RGS9: variants seen among roughly 807,000 people sequenced by gnomAD.
RGS9 encodes regulator of G-protein signalling 9.
RGS9 carries 78 observed loss-of-function variants against 102.0 expected under a neutral mutation model. That is an observed-to-expected ratio of 0.76 (90% confidence interval 0.64 to 0.92). The LOEUF is 0.92. Ranked by LOEUF, RGS9 falls within the 40% of genes least tolerant of loss-of-function variation. RGS9 has a pLI of 0.00. For missense variants in RGS9, 833 were observed against 866.1 expected, an observed-to-expected ratio of 0.96 and a Z score of 0.48; for synonymous variants, 353 against 318.6, an observed-to-expected ratio of 1.11 and a Z score of -1.15.
intron 3 of RGS9, among the ~76,000 whole-genome samples, chr17:65,159,941 C>T (rs1232065840): frequency 2.6e-5 from 4 of 152,188 alleles, no homozygotes; most frequent in Non-Finnish European, 2.9e-5. Context: ...AACCATCACC[C>T]GCTGCAGCAG....
intron 9 of RGS9, among the ~76,000 whole-genome samples, chr17:65,186,162 T>TTTTTTTTA (rs777342627): frequency 1.4e-5 from 2 of 137,968 alleles, no homozygotes; most frequent in African/African-American, 2.8e-5. Context: ...TTGGTTTACA[T>TTTTTTTTA]TTTATTTATT....
chr17:65,154,336 T>G (rs1910692181), intron 2 of RGS9, among the ~76,000 whole-genome samples: 1 of 152,108 alleles, frequency 6.6e-6, no homozygotes, highest in African/African-American at 2.4e-5. Context: ...TATCTAGCGC[T>G]CTACAGAGTA....
chr17:65,138,886 A>C (rs1910013703), intron 1 of RGS9, among the ~76,000 whole-genome samples: 1 of 119,208 alleles, frequency 8.4e-6, no homozygotes, highest in South Asian at 2.8e-4. Flanking sequence ...TCCTCTCCTT[A>C]CCTTGGTCTT....
rs1911709405 is a variant in RGS9, at chr17:65,177,885, G to T, written c.654+82G>T. 4.6e-6 allele frequency: 5 copies of T among 1,078,328 alleles called. No individual in the cohort carries two copies. The East Asian group carries it at 1.2e-4, about 25-fold the overall frequency. 66.8% of individuals were successfully genotyped at this position (1,078,328 alleles called of 1,614,324 possible). Reference sequence around the variant, plus strand: ...GGTGTCCACATGTCTATTCGTGTCTGTTAGGGCAACGATATCTCCTCTTTG... The same window carrying T: ...GGTGTCCACATGTCTATTCGTGTCTTTTAGGGCAACGATATCTCCTCTTTG... On this transcript the variant is annotated intron_variant, in intron 9 of 18. Transcript: ENST00000262406.
chr17:65,151,708 A>G (rs775571901), intron 1 of RGS9, among the ~76,000 whole-genome samples: 4 of 152,232 alleles, frequency 2.6e-5, no homozygotes, highest in Non-Finnish European at 5.9e-5. Context: ...TAGTTTGGTA[A>G]CTGGTAACTC....
At chr17:65,222,475 C>T (rs1479380640) in intron 17 of RGS9, among the ~76,000 whole-genome samples, 1 of 152,240 alleles carries the variant, frequency 6.6e-6, no homozygotes, top group African/African-American at 2.4e-5. Context: ...TGTGATTCTA[C>T]ATGCCACAGT....
chr17:65,140,127 G>C (rs1014677954), intron 1 of RGS9, among the ~76,000 whole-genome samples: 1 of 152,216 alleles, frequency 6.6e-6, no homozygotes, highest in Non-Finnish European at 1.5e-5. Flanking sequence ...GCTCAGAGAG[G>C]CTAAGCGGCT....
At chr17:65,187,720 G>A (rs1237852783) in intron 9 of RGS9, among the ~76,000 whole-genome samples, 1 of 152,204 alleles carries the variant, frequency 6.6e-6, no homozygotes, top group African/African-American at 2.4e-5. Flanking sequence ...GCGTGAGGCC[G>A]GGTGCGGTGG....
At position 65,225,140 on chromosome 17, in the gene RGS9, C is replaced by T. The variant is rs200896958; in HGVS notation, c.1546C>T (p.Arg516Ter). Residue 516 changes from arginine (R) to a stop codon, truncating the protein, a stop_gained, in exon 18 of 19, where the codon CGA (arginine) becomes TGA (stop). Transcript: ENST00000262406. LOFTEE classifies it high-confidence loss of function. ...CGCCTCACCCAGCCGCTTCATCCGG[C>T]GACCCAGCACCACCATCTGCCCCTC... is the stretch of plus-strand genomic sequence containing the variant. ...PFASPSRFIR[R>*]PSTTICPSPI... The T allele has an allele frequency of 1.1e-5, 18 of 1,613,724 alleles. No individual in the cohort carries two copies. In the East Asian group the frequency reaches 2.2e-4, roughly 20 times the overall value.
In RGS9 at chr17:65,196,356, G is replaced by C. The variant is rs186096281; in HGVS notation, c.861-770G>C. Among the ~76,000 whole-genome samples, 22 of 152,326 alleles carry C rather than the reference G, an allele frequency of 1.4e-4. No individual in the cohort carries two copies. The East Asian group carries it at 4.2e-3, about 29-fold the overall frequency. On this transcript the variant is annotated intron_variant, in intron 12 of 18. Transcript: ENST00000262406. The stretch of plus-strand genomic sequence containing the variant: ...GGTTCTGGTCCTAGCTGCTACATCA[G>C]TGGGAAAAATGGTGTGAGGGACTTG...
intron 9 of RGS9, among the ~76,000 whole-genome samples, chr17:65,184,317 G>A (rs1912018780): frequency 6.6e-6 from 1 of 152,168 alleles, no homozygotes; most frequent in African/African-American, 2.4e-5. Flanking sequence ...AGTTATGTTT[G>A]AATTTCAGAT....
intron 8 of RGS9, among the ~76,000 whole-genome samples, chr17:65,174,263 A>C (rs1237915673): frequency 1.3e-5 from 2 of 152,228 alleles, no homozygotes; most frequent in Non-Finnish European, 2.9e-5. Flanking sequence ...AACGAATTCA[A>C]GACTTGAGCA....
At chr17:65,148,078 C>T (rs1441191531) in intron 1 of RGS9, among the ~76,000 whole-genome samples, 2 of 152,116 alleles carry the variant, frequency 1.3e-5, no homozygotes, top group African/African-American at 2.4e-5. Context: ...CCCCAGTTTC[C>T]CTTCTCTCTA....
intron 11 of RGS9, among the ~76,000 whole-genome samples, chr17:65,191,356 C>T (rs918602363): frequency 5.3e-5 from 8 of 152,022 alleles, no homozygotes; most frequent in Non-Finnish European, 1.2e-4. Context: ...AGTGTTTTGA[C>T]CTGTGAACCA....
intron 2 of RGS9, among the ~76,000 whole-genome samples, chr17:65,157,907 T>TTGTG (rs1376662384): frequency 1.1e-4 from 16 of 152,040 alleles, no homozygotes; most frequent in African/African-American, 3.9e-4. Flanking sequence ...CGGGTCTGTT[T>TTGTG]TGTGTGTGTG....
chr17:65,156,145 C>G (rs995695990), intron 2 of RGS9, among the ~76,000 whole-genome samples: 4 of 152,096 alleles, frequency 2.6e-5, no homozygotes, highest in African/African-American at 9.7e-5. Context: ...TGCCTCAGCT[C>G]CGGAGTAGCT....
Position 65,225,503 on chromosome 17 carries a change from G to A in RGS9, c.1892+17G>A, listed in dbSNP as rs754051251. On this transcript the variant is annotated intron_variant, in intron 18 of 18. Transcript: ENST00000262406. ...AGTAGCAAAGTAAGAACCCGAAGGG[G>A]ACGTGCCGTATGCATGGGTGGCTGT... The A allele has an allele frequency of 3.8e-6, 6 of 1,599,848 alleles. No individual in the cohort carries two copies. The highest frequency in any genetic ancestry group is 4.2e-6 in the Non-Finnish European group (5 of 1,179,868).
intron 8 of RGS9, among the ~76,000 whole-genome samples, chr17:65,177,055 GTCCATCCA>G (rs35750645): frequency 0.017 from 2,206 of 132,924 alleles, 55 homozygotes; most frequent in African/African-American, 0.06. Context: ...TCATTTGTTT[GTCCATCCA>G]TCCATCCATC....
At chr17:65,210,738 T>A in intron 17 of RGS9, 133 bp downstream of exon 17, 2 of 1,470,022 alleles carry the variant, frequency 1.4e-6, no homozygotes, top group Non-Finnish European at 1.8e-6. Context: ...GTCTAGAAGG[T>A]TCCATTCCCC....
Sources: gnomAD v4.1 joint callset for allele counts (sites outside exome capture counted in the v4.1 genomes callset) on GRCh38, gnomAD v4.1.1 for gene constraint, MANE v1.5 for transcripts, NCBI Gene and HGNC (gene_info 2026-07-23, HGNC 2026-07-21) for gene names.